GIGYF2: variants seen among roughly 807,000 people sequenced by gnomAD.
The protein encoded by GIGYF2 is GRB10 interacting GYF protein 2.
A neutral mutation model predicts 208.1 loss-of-function variants in GIGYF2; 25 were observed. That is an observed-to-expected ratio of 0.12 (90% confidence interval 0.09 to 0.17). The LOEUF (loss-of-function observed/expected upper bound fraction) is 0.17. GIGYF2 is among the 10% of genes least tolerant of loss of function. The pLI is 1.00. For missense variants in GIGYF2, 1,302 were observed against 1,579.4 expected, an observed-to-expected ratio of 0.82 and a Z score of 2.98; for synonymous variants, 534 against 543.8, an observed-to-expected ratio of 0.98 and a Z score of 0.25.
intron 2 of GIGYF2, among the ~76,000 whole-genome samples, chr2:232,710,939 G>T (rs1020215411): frequency 2.6e-5 from 4 of 151,816 alleles, no homozygotes; most frequent in African/African-American, 9.7e-5. Flanking sequence ...GACCTCAGGT[G>T]ATCCACCCAC....
At chr2:232,764,158 T>C (rs1262915376) in intron 8 of GIGYF2, among the ~76,000 whole-genome samples, 5 of 152,208 alleles carry the variant, frequency 3.3e-5, no homozygotes, top group Non-Finnish European at 7.3e-5. Context: ...CCAAATCTAA[T>C]CAAATGGGGC....
rs1437082701 is a variant in GIGYF2, at chr2:232,856,809, A to G, written c.3849A>G (p.Ala1283=). ...DPSLLGFSVN[A]SSERLNMGEI... is the part of the protein sequence containing the mutation. ...TTTCTGCAGGATTTTCAGTCAATGC[A>G]TCATCGGAGCGACTCAACATGGGTG... The change falls in exon 29 of 29, where the codon GCA becomes GCG. Residue 1283 remains alanine, a synonymous_variant. Transcript: ENST00000373563. 10 of 1,613,218 alleles carry G rather than the reference A, an allele frequency of 6.2e-6. No individual in the cohort carries two copies. Among genetic ancestry groups the G allele is most frequent in the African/African-American group, 1.3e-5 (1 of 74,906 alleles).
intron 2 of GIGYF2, chr2:232,719,025 C>T (rs1696824838): frequency 1.3e-5 from 2 of 151,404 alleles, no homozygotes; most frequent in Admixed American, 1.3e-4. Context: ...CGGAGTCTCG[C>T]TTTGTTGCCC....
intron 9 of GIGYF2, chr2:232,788,691 G>C (rs557943400): frequency 2.7e-6 from 1 of 364,582 alleles, no homozygotes; most frequent in East Asian, 8.3e-5. Context: ...CAACAACTTA[G>C]AATTTGGTTA....
chr2:232,749,897 A>T (rs1418323789), intron 5 of GIGYF2, among the ~76,000 whole-genome samples: 1 of 152,026 alleles, frequency 6.6e-6, no homozygotes, highest in African/African-American at 2.4e-5. Flanking sequence ...AACGACAAAA[A>T]TGTTGGGGCC....
At chr2:232,796,574 G>T (rs1035616290) in intron 14 of GIGYF2, among the ~76,000 whole-genome samples, 1 of 152,204 alleles carries the variant, frequency 6.6e-6, no homozygotes, top group Admixed American at 6.5e-5. Flanking sequence ...AAAATAATTC[G>T]AATACAGCCT....
chr2:232,771,391 GTAAAT>G (rs1465239699), intron 8 of GIGYF2: 1 of 1,485,578 alleles, frequency 6.7e-7, no homozygotes, highest in Non-Finnish European at 9.4e-7. Flanking sequence ...AAAATCAAGA[GTAAAT>G]TAGTAAGCTC....
rs970259911 is a variant in GIGYF2, at chr2:232,827,747, A to G, written c.2530-5110A>G. ...TTGAGTTGAATTTGCATCTTTTTCTAGTTTCTTAAGACAAAAATTTAGATA... is the reference window on the plus strand; with the variant it reads ...TTGAGTTGAATTTGCATCTTTTTCTGGTTTCTTAAGACAAAAATTTAGATA... On this transcript the variant is annotated intron_variant, in intron 21 of 28. Transcript: ENST00000373563. Among the ~76,000 whole-genome samples, 5 of 152,204 alleles carry G rather than the reference A, an allele frequency of 3.3e-5. No individual in the cohort carries two copies. The South Asian group carries it at 1.0e-3, about 32-fold the overall frequency.
intron 16 of GIGYF2, chr2:232,810,185 A>T (rs1177002172): frequency 1.9e-5 from 4 of 213,610 alleles, no homozygotes; most frequent in Non-Finnish European, 2.9e-5. Context: ...ATGGGGTTTT[A>T]CTGTGTTGGC....
chr2:232,770,857 G>GTTTTGT (rs763335927), intron 8 of GIGYF2: 9 of 1,390,600 alleles, frequency 6.5e-6, no homozygotes, highest in Non-Finnish European at 9.1e-6. Flanking sequence ...GTTTTGTTTT[G>GTTTTGT]TTTTGTTTTT....
At chr2:232,814,592 T>C in intron 18 of GIGYF2, among the ~76,000 whole-genome samples, 1 of 122,624 alleles carries the variant, frequency 8.2e-6, no homozygotes, top group African/African-American at 3.1e-5. Context: ...AAAAAGTACC[T>C]TCAGGCTATG....
chr2:232,751,001 G>T (rs1015048150), intron 5 of GIGYF2, among the ~76,000 whole-genome samples: 1 of 151,772 alleles, frequency 6.6e-6, no homozygotes, highest in Non-Finnish European at 1.5e-5. Context: ...GGCTAGTTTC[G>T]TTTTTTGTAG....
At chr2:232,717,528 C>A (rs764059341) in intron 2 of GIGYF2, among the ~76,000 whole-genome samples, 2 of 152,172 alleles carry the variant, frequency 1.3e-5, no homozygotes, top group African/African-American at 2.4e-5. Context: ...TTCCTGACAT[C>A]TATCACCATT....
chr2:232,812,517 A>G (rs755314487), intron 18 of GIGYF2, 26 bp downstream of exon 18: 2 of 846,038 alleles, frequency 2.4e-6, no homozygotes, highest in South Asian at 2.6e-5. Flanking sequence ...AACCTTTAGT[A>G]CCACTCTGAG....
intron 21 of GIGYF2, among the ~76,000 whole-genome samples, chr2:232,826,396 C>G (rs772702499): frequency 2.0e-5 from 3 of 152,188 alleles, no homozygotes; most frequent in Non-Finnish European, 2.9e-5. Context: ...GATTGCCATT[C>G]TAATTGGCGT....
chr2:232,739,769 T>C (rs1697900911), intron 3 of GIGYF2, among the ~76,000 whole-genome samples: 1 of 151,962 alleles, frequency 6.6e-6, no homozygotes, highest in Non-Finnish European at 1.5e-5. Context: ...TTTTGGTTTC[T>C]ATCGTATATG....
At position 232,812,264 on chromosome 2, in the gene GIGYF2, A is replaced by G. The variant is rs567918821; in HGVS notation, c.2007-127A>G. 1.0e-3 allele frequency: 660 copies of G among 633,572 alleles called. 8 individuals are homozygous for G. In the South Asian group the frequency reaches 0.011, roughly 11 times the overall value. 39.2% of individuals were successfully genotyped at this position (633,572 alleles called of 1,614,324 possible). A position where few individuals can be genotyped will look rare whatever the true frequency, so the allele number is the denominator to read the frequency against. Reference sequence around the variant, plus strand: ...TGCTTTGGTAGTGTTAAGTTTTAGTAAAAGAGTGAAGGCGTTTTCTAGCCA... The same window carrying G: ...TGCTTTGGTAGTGTTAAGTTTTAGTGAAAGAGTGAAGGCGTTTTCTAGCCA... On this transcript the variant is annotated intron_variant, in intron 17 of 28. Transcript: ENST00000373563.
chr2:232,783,264 G>A (rs1020732239), intron 8 of GIGYF2, among the ~76,000 whole-genome samples: 6 of 152,304 alleles, frequency 3.9e-5, no homozygotes, highest in Non-Finnish European at 8.8e-5. Flanking sequence ...AAAATTTGAA[G>A]ATAAAGAGGA....
At chr2:232,847,911 G>A (rs1443142879) in intron 27 of GIGYF2, among the ~76,000 whole-genome samples, 2 of 152,174 alleles carry the variant, frequency 1.3e-5, no homozygotes, top group African/African-American at 4.8e-5. Context: ...CCAGTGTTCA[G>A]GATGCACTGT....
Sources: gnomAD v4.1 joint callset for allele counts (sites outside exome capture counted in the v4.1 genomes callset) on GRCh38, gnomAD v4.1.1 for gene constraint, MANE v1.5 for transcripts, NCBI Gene and HGNC (gene_info 2026-07-23, HGNC 2026-07-21) for gene names.